The following RCC1L variants were observed in gnomAD, a reference collection of about 807,000 sequenced individuals.
RCC1L encodes RCC1-like G exchanging factor-like protein.
A neutral mutation model predicts 58.6 loss-of-function variants in RCC1L; 46 were observed. The observed-to-expected ratio is 0.79, with a 90% CI of 0.62 to 1.00. The LOEUF (loss-of-function observed/expected upper bound fraction) is 1.00. Among genes scored for constraint, RCC1L ranks in the 50% least tolerant of loss-of-function variants. The pLI, the probability that RCC1L is intolerant of heterozygous loss-of-function variation, is 0.00. For synonymous variants in RCC1L, 281 were observed against 262.9 expected (o/e 1.07, Z -0.67); for missense variants, 636 against 623.6 (o/e 1.02, Z -0.21).
intron 10 of RCC1L, among the ~76,000 whole-genome samples, chr7:75,051,415 C>T (rs1022850107): frequency 1.3e-5 from 2 of 150,106 alleles, no homozygotes; most frequent in African/African-American, 4.9e-5. Context: ...TTTTGCAAGT[C>T]CTTTGTTTTT....
intron 10 of RCC1L, among the ~76,000 whole-genome samples, chr7:75,045,545 C>A (rs1805694519): frequency 6.7e-6 from 1 of 149,084 alleles, no homozygotes. Context: ...GAGACGGAGT[C>A]TCGCTCTGTC....
chr7:75,035,731 G>A (rs1472115317), intron 10 of RCC1L, among the ~76,000 whole-genome samples: 2 of 150,872 alleles, frequency 1.3e-5, no homozygotes, highest in Non-Finnish European at 2.9e-5. Context: ...CCTGGGCGAG[G>A]TGGCTCATGC....
rs955337322 is a variant in RCC1L, at chr7:75,051,917, A to T, written c.1317+794T>A. Among the ~76,000 whole-genome samples, 145 of 152,328 alleles carry T rather than the reference A, an allele frequency of 9.5e-4. 2 individuals are homozygous for T. Among genetic ancestry groups the T allele is most frequent in the African/African-American group, 3.3e-3 (136 of 41,570 alleles). On this transcript the variant is annotated intron_variant, in intron 10 of 10. Transcript: ENST00000610322. The stretch of plus-strand genomic sequence containing the variant: ...CAGGACCAGTGGCTGCCTCTGGAAC[A>T]AAAACTGGGTGGTGGGAGACTCATT...
rs1480763351 is a variant in RCC1L at position 75,052,853 on chromosome 7, G to A, written c.1232-57C>T. On this transcript the variant is annotated intron_variant, in intron 9 of 10. Coordinates refer to ENST00000610322, the MANE Select transcript of RCC1L (RefSeq NM_030798.5). The stretch of plus-strand genomic sequence containing the variant: ...GACTGTGTGAAGAACAAGTCTCCAA[G>A]GAGAGGATGGGTCATGAGAACAGGC... 6 of 1,503,872 alleles carry A rather than the reference G, an allele frequency of 4.0e-6. No individual in the cohort carries two copies. The African/African-American group carries it at 5.5e-5, about 14-fold the overall frequency. The allele number at this position is 1,503,872 out of a possible 1,614,324, so 93.2% of individuals were successfully genotyped here. A position where few individuals can be genotyped will look rare whatever the true frequency, so the allele number is the denominator to read the frequency against.
At chr7:75,048,314 T>C (rs930914051) in intron 10 of RCC1L, among the ~76,000 whole-genome samples, 1 of 148,824 alleles carries the variant, frequency 6.7e-6, no homozygotes, top group African/African-American at 2.5e-5. Flanking sequence ...CCCAGGGCTA[T>C]GGAAGGAGTC....
At chr7:75,057,724 C>T in intron 7 of RCC1L, 108 bp from the exon 8 acceptor site, 1 of 946,786 alleles carries the variant, frequency 1.1e-6, no homozygotes, top group South Asian at 1.3e-5. Context: ...TTCATTCACT[C>T]CACAGATACT....
In RCC1L at chr7:75,042,871, T is replaced by C; in HGVS notation, c.*161A>G. The C allele has an allele frequency of 1.4e-6, 2 of 1,469,496 alleles. No individual in the cohort carries two copies. Among genetic ancestry groups the C allele is most frequent in the Non-Finnish European group, 1.8e-6 (2 of 1,104,606 alleles). 91.0% of individuals were successfully genotyped at this position (1,469,496 alleles called of 1,614,324 possible). A position where few individuals can be genotyped will look rare whatever the true frequency, so the allele number is the denominator to read the frequency against. On this transcript the variant is annotated 3_prime_UTR_variant, in exon 11 of 11. Transcript: ENST00000610322. ...GAGAGGGACCTTGCCCTGATCCTCC[T>C]GGTAGGTACCCGCTAAGGGATTCAG...
chr7:75,028,176 G>A (rs2131963114), intron 10 of RCC1L: 2 of 1,196,826 alleles, frequency 1.7e-6, no homozygotes, highest in Non-Finnish European at 2.3e-6. Flanking sequence ...GGAGTGCTGT[G>A]GCATGATCTC....
Position 75,058,737 on chromosome 7 carries a change from T to G in RCC1L, c.820A>C (p.Thr274Pro). The G allele has an allele frequency of 6.2e-7, 1 of 1,613,964 alleles. No individual in the cohort carries two copies. The highest frequency in any genetic ancestry group is 1.1e-5 in the South Asian group (1 of 91,084). The change falls in exon 7 of 11, where the codon ACC becomes CCC. Residue 274 changes from threonine to proline, a missense_variant. Coordinates refer to ENST00000610322, the MANE Select transcript of RCC1L (RefSeq NM_030798.5). ...CCCGCCAGGTCTCCACCCAGCTTGGTGGGCGAGCTGGTGATATTGTAGTGA... is the reference window on the plus strand; with the variant it reads ...CCCGCCAGGTCTCCACCCAGCTTGGGGGGCGAGCTGGTGATATTGTAGTGA... ...LGHYNITSSP[T>P]KLGGDLAGVN...
At chr7:75,072,062 C>A (rs1187298801) in intron 1 of RCC1L, among the ~76,000 whole-genome samples, 1 of 142,102 alleles carries the variant, frequency 7.0e-6, no homozygotes, top group South Asian at 2.2e-4. Context: ...CGCCACTGTA[C>A]TCCAGCCTGG....
chr7:75,038,140 G>A (rs950760496), downstream of RCC1L, among the ~76,000 whole-genome samples: 2 of 152,238 alleles, frequency 1.3e-5, no homozygotes, highest in African/African-American at 4.8e-5. Context: ...CTGGGCCAGT[G>A]CCGGGTGCTG....
intron 1 of RCC1L, among the ~76,000 whole-genome samples, chr7:75,072,634 C>G (rs1806805991): frequency 6.6e-6 from 1 of 152,210 alleles, no homozygotes; most frequent in East Asian, 1.9e-4. Flanking sequence ...ATGAGAAAAC[C>G]GGGGCTTCCA....
intron 3 of RCC1L, among the ~76,000 whole-genome samples, chr7:75,066,073 T>C (rs587702776): frequency 2.7e-5 from 4 of 150,822 alleles, no homozygotes; most frequent in East Asian, 2.0e-4. Context: ...AGGGACTTCA[T>C]AGCAAATGGA....
rs1806269407 is a variant in RCC1L, at chr7:75,061,235, A to G, written c.759T>C (p.Ser253=). ...LFLTDKGEVY[S]CGWGADGQTG... is the part of the protein sequence containing the mutation. ...TTTGCCCATCAGCACCCCATCCACA[A>G]GAATAGACTTCTCCTTTATCCGTCA... The change falls in exon 6 of 11, where the codon TCT becomes TCC. Residue 253 remains serine, a synonymous_variant. Transcript: ENST00000610322. The G allele has an allele frequency of 1.2e-6, 2 of 1,613,880 alleles. No homozygotes were observed. The highest frequency in any genetic ancestry group is 2.7e-5 in the African/African-American group (2 of 75,036).
intron 6 of RCC1L, among the ~76,000 whole-genome samples, chr7:75,059,187 C>CAAAAAAAAAAAAAAAAGAA (rs1806190957): frequency 1.3e-5 from 1 of 77,976 alleles, no homozygotes; most frequent in African/African-American, 4.2e-5. Flanking sequence ...ATGAGACTCT[C>CAAAAAAAAAAAAAAAAGAA]AAAAAAAAAA....
rs781868891 is a variant in RCC1L, at chr7:75,056,006, C to T, written c.1126G>A (p.Val376Ile). The change falls in exon 9 of 11, where the codon GTC becomes ATC. Residue 376 changes from valine (V) to isoleucine (I), a missense_variant. By Grantham distance (29) the Val-to-Ile change is conservative. Coordinates refer to ENST00000610322, the MANE Select transcript of RCC1L (RefSeq NM_030798.5). ...AGAGTGGGTGGAATCATTTCAGGGACGGCACTTTCCACTAGGTTTGGACCT... is the reference window on the plus strand; with the variant it reads ...AGAGTGGGTGGAATCATTTCAGGGATGGCACTTTCCACTAGGTTTGGACCT... ...GKGPNLVESA[V>I]PEMIPPTLFG... 97 of 1,613,812 alleles carry T rather than the reference C, an allele frequency of 6.0e-5. No homozygotes were observed. Among genetic ancestry groups the T allele is most frequent in the Admixed American group, 8.3e-5 (5 of 59,980 alleles).
At chr7:75,056,852 C>A (rs1367161757) in intron 8 of RCC1L, 2 of 955,776 alleles carry the variant, frequency 2.1e-6, no homozygotes, top group African/African-American at 1.6e-5. Context: ...AGGGTCTCAC[C>A]GTGTTGCCCA....
chr7:75,050,870 T>C (rs1015973491), intron 10 of RCC1L, among the ~76,000 whole-genome samples: 5 of 152,058 alleles, frequency 3.3e-5, no homozygotes, highest in African/African-American at 1.2e-4. Flanking sequence ...GGGAGGCAGA[T>C]TGCTTGAAGC....
At chr7:75,060,799 C>T (rs1806251256) in intron 6 of RCC1L, among the ~76,000 whole-genome samples, 1 of 151,994 alleles carries the variant, frequency 6.6e-6, no homozygotes, top group Non-Finnish European at 1.5e-5. Flanking sequence ...AAAAGTATTA[C>T]AGCAGGGCAC....
Sources: gnomAD v4.1 joint callset for allele counts (sites outside exome capture counted in the v4.1 genomes callset) on GRCh38, gnomAD v4.1.1 for gene constraint, MANE v1.5 for transcripts, NCBI Gene and HGNC (gene_info 2026-07-23, HGNC 2026-07-21) for gene names.